ZSCAN25: variants seen among roughly 807,000 people sequenced by gnomAD.
The protein encoded by ZSCAN25 is zinc finger and SCAN domain containing 25.
In ZSCAN25, 27 loss-of-function variants were observed where a neutral mutation model predicts 38.7. That is an observed-to-expected ratio of 0.70 (90% CI 0.51 to 0.96). The LOEUF is 0.96. ZSCAN25 is among the 40% of genes least tolerant of loss of function. ZSCAN25 has a pLI of 0.00. For synonymous variants in ZSCAN25, 273 were observed against 277.7 expected (o/e 0.98, Z 0.17); for missense variants, 637 against 705.9 (o/e 0.90, Z 1.11).
At chr7:99,638,871 G>A in the ZSCAN25 span, 1 of 589,420 alleles carries the variant, frequency 1.7e-6, no homozygotes, top group Non-Finnish European at 3.1e-6. Context: ...AGCCTTTGCG[G>A]CCTGCCTGGG....
chr7:99,640,541 A>G, the ZSCAN25 span, among the ~76,000 whole-genome samples: 1 of 152,190 alleles, frequency 6.6e-6, no homozygotes, highest in Non-Finnish European at 1.5e-5. Context: ...CTCCCATCAT[A>G]GGCAATGATC....
chr7:99,663,335 A>C, the ZSCAN25 span: 4 of 995,070 alleles, frequency 4.0e-6, no homozygotes, highest in Non-Finnish European at 4.8e-6. Context: ...ATATTCCAAC[A>C]TTCTCAAACT....
At chr7:99,640,579 C>T in the ZSCAN25 span, among the ~76,000 whole-genome samples, 2 of 152,174 alleles carry the variant, frequency 1.3e-5, no homozygotes, top group African/African-American at 4.8e-5. Context: ...CCACCAATTG[C>T]AATTATACTG....
downstream of ZSCAN25, among the ~76,000 whole-genome samples, chr7:99,633,588 CAG>C (rs1388688685): frequency 6.6e-6 from 1 of 151,908 alleles, no homozygotes; most frequent in Admixed American, 6.5e-5. Flanking sequence ...TTTTTTGAGA[CAG>C]AGTCTTGCTC....
chr7:99,617,471 C>G (rs1027013226), intron 1 of ZSCAN25, among the ~76,000 whole-genome samples: 16 of 152,210 alleles, frequency 1.1e-4, no homozygotes, highest in African/African-American at 3.9e-4. Context: ...GTCCCAGCTA[C>G]TCGGGAGGCT....
the ZSCAN25 span, among the ~76,000 whole-genome samples, chr7:99,704,310 A>G: frequency 1.3e-5 from 2 of 152,132 alleles, no homozygotes; most frequent in East Asian, 3.9e-4. Context: ...TTTATTTTTT[A>G]GATGCAGTCT....
At chr7:99,695,964 A>C in the ZSCAN25 span, 3 of 725,600 alleles carry the variant, frequency 4.1e-6, no homozygotes, top group Admixed American at 2.7e-5. Context: ...AATAAATGAT[A>C]ACAGTAACTC....
chr7:99,703,809 C>T, the ZSCAN25 span, among the ~76,000 whole-genome samples: 1 of 152,060 alleles, frequency 6.6e-6, no homozygotes. Flanking sequence ...TATTTAGGCT[C>T]TGGCTGCTCT....
chr7:99,660,212 TC>T, the ZSCAN25 span: 20 of 950,846 alleles, frequency 2.1e-5, no homozygotes, highest in Non-Finnish European at 2.2e-5. Flanking sequence ...CTCGCCACAC[TC>T]CTTTTTTTTT....
At chr7:99,687,244 A>G in the ZSCAN25 span, among the ~76,000 whole-genome samples, 2 of 152,214 alleles carry the variant, frequency 1.3e-5, no homozygotes, top group African/African-American at 4.8e-5. Context: ...GAGGAACTTC[A>G]AACCAATGGC....
At chr7:99,732,619 C>G in the ZSCAN25 span, among the ~76,000 whole-genome samples, 1 of 152,060 alleles carries the variant, frequency 6.6e-6, no homozygotes, top group Middle Eastern at 3.2e-3. Flanking sequence ...GAAGACCTTC[C>G]CAGTTTGAGG....
intron 7 of ZSCAN25, among the ~76,000 whole-genome samples, chr7:99,626,432 G>T (rs1807476335): frequency 6.6e-6 from 1 of 152,278 alleles, no homozygotes; most frequent in South Asian, 2.1e-4. Flanking sequence ...CCAGTCTGGA[G>T]GGTTGAAATA....
chr7:99,672,003 G>T, the ZSCAN25 span: 1 of 589,130 alleles, frequency 1.7e-6, no homozygotes, highest in East Asian at 2.9e-5. Flanking sequence ...CTGTACTATA[G>T]TATTAGGTTG....
At chr7:99,702,059 C>T in the ZSCAN25 span, among the ~76,000 whole-genome samples, 1 of 149,452 alleles carries the variant, frequency 6.7e-6, no homozygotes, top group Admixed American at 6.7e-5. Flanking sequence ...TTTCCTGTAG[C>T]AGTTTCATCA....
the ZSCAN25 span, chr7:99,647,545 C>T: frequency 1.0e-6 from 1 of 985,212 alleles, no homozygotes; most frequent in Non-Finnish European, 1.2e-6. Context: ...TCCTGTGTTC[C>T]AGAAATGTCA....
chr7:99,638,393 G>A, the ZSCAN25 span: 2 of 1,594,778 alleles, frequency 1.3e-6, no homozygotes, highest in East Asian at 2.2e-5. Context: ...CATCGGGCAG[G>A]TCCTGCTTGT....
chr7:99,638,583 T>TA, the ZSCAN25 span: 3 of 1,568,696 alleles, frequency 1.9e-6, no homozygotes, highest in Non-Finnish European at 2.6e-6. Context: ...CCACATCCCA[T>TA]ATGTTGAACT....
the ZSCAN25 span, chr7:99,659,733 C>G: frequency 4.6e-5 from 7 of 152,800 alleles, no homozygotes; most frequent in Admixed American, 3.9e-4. Context: ...CCAGTTTGAG[C>G]TTCCTGGCAG....
the ZSCAN25 span, chr7:99,717,399 AG>A: frequency 6.3e-7 from 1 of 1,590,482 alleles, no homozygotes; most frequent in African/African-American, 1.3e-5. Flanking sequence ...GTACATAAAA[AG>A]ACTATTTTTA....
Sources: allele counts gnomAD v4.1 joint callset (sites outside exome capture counted in the v4.1 genomes callset), GRCh38; gene constraint gnomAD v4.1.1; transcripts MANE v1.5; gene names NCBI Gene and HGNC (gene_info 2026-07-23, HGNC 2026-07-21).